The following EPHA8 variants were observed in gnomAD, a reference collection of about 807,000 sequenced individuals.
The protein encoded by EPHA8 is ephrin type-A receptor 8.
A neutral mutation model predicts 103.6 loss-of-function variants in EPHA8; 58 were observed. That is an observed-to-expected ratio of 0.56 (90% CI 0.45 to 0.70). The LOEUF (loss-of-function observed/expected upper bound fraction) is 0.70, where lower values mean the gene tolerates loss of function less well. Ranked by LOEUF, EPHA8 falls within the 30% of genes least tolerant of loss-of-function variation. The probability of loss-of-function intolerance (pLI) is 0.00; values close to 1 mark genes in which losing one functional copy is unlikely to be tolerated. For synonymous variants in EPHA8, 559 were observed against 572.5 expected, an observed-to-expected ratio of 0.98 and a Z score of 0.34; for missense variants, 1,304 against 1,395.2, an observed-to-expected ratio of 0.93 and a Z score of 1.04.
chr1:22,577,351 A>G (rs1235721437), intron 3 of EPHA8, among the ~76,000 whole-genome samples: 1 of 152,192 alleles, frequency 6.6e-6, no homozygotes, highest in African/African-American at 2.4e-5. Context: ...AGGCAAAGCA[A>G]CTTGCCCAAG....
At chr1:22,575,337 T>C (rs760515329) in intron 2 of EPHA8, among the ~76,000 whole-genome samples, 6 of 152,216 alleles carry the variant, frequency 3.9e-5, no homozygotes, top group Non-Finnish European at 8.8e-5. Context: ...CCCTAATGAT[T>C]AGTGATGCTG....
intron 4 of EPHA8, among the ~76,000 whole-genome samples, chr1:22,588,401 C>A (rs956786798): frequency 6.6e-6 from 1 of 152,222 alleles, no homozygotes; most frequent in Admixed American, 6.5e-5. Flanking sequence ...CATGGGGATA[C>A]ACGGTGGGCT....
At chr1:22,579,084 C>CGT (rs1640943284) in intron 3 of EPHA8, among the ~76,000 whole-genome samples, 1 of 100,756 alleles carries the variant, frequency 9.9e-6, no homozygotes, top group Non-Finnish European at 2.2e-5. Flanking sequence ...TGCATGTGTA[C>CGT]GTGCATGTGT....
rs768966344 is a variant in EPHA8, at chr1:22,601,424, GCTGCGGGCGGATACTCCTCT to G, written c.2858_2877del (p.Ala953GlyfsTer70). 1.2e-6 allele frequency: 2 copies of G among 1,610,964 alleles called. No homozygotes were observed. Among genetic ancestry groups the G allele is most frequent in the Non-Finnish European group, 1.7e-6 (2 of 1,179,820 alleles). ...CATGGGCCGGTACCGAGACCACTTC[GCTGCGGGCGGATACTCCTCT>G]CTGGGCATGGTGCTACGCATGAACG... On this transcript the variant is annotated frameshift_variant, in exon 16 of 17. Coordinates refer to ENST00000166244, the MANE Select transcript of EPHA8 (RefSeq NM_020526.5). LOFTEE classifies it high-confidence loss of function.
rs2148254176 is a variant in EPHA8, at chr1:22,589,499, T to A, written c.1315+293T>A. On this transcript the variant is annotated intron_variant, in intron 5 of 16. Coordinates refer to ENST00000166244, the MANE Select transcript of EPHA8 (RefSeq NM_020526.5). The surrounding 1 kb of genome is among the most constrained non-coding windows in gnomAD (Gnocchi z 4.3). The stretch of plus-strand genomic sequence containing the variant: ...CTCTGTGCCTCAGTTTCCTCCCTGG[T>A]GCAATGGGAATAATAGTACCTGCCT... 2 of 1,443,320 alleles carry A rather than the reference T, an allele frequency of 1.4e-6. No homozygotes were observed. The highest frequency in any genetic ancestry group is 3.1e-5 in the South Asian group (2 of 63,640). 89.4% of individuals were successfully genotyped at this position (1,443,320 alleles called of 1,614,324 possible). A position where few individuals can be genotyped will look rare whatever the true frequency, so the allele number is the denominator to read the frequency against.
chr1:22,585,520 T>C (rs1019094227), intron 3 of EPHA8, among the ~76,000 whole-genome samples: 27 of 152,232 alleles, frequency 1.8e-4, no homozygotes, highest in African/African-American at 4.8e-4. Flanking sequence ...CCTTGTTCTC[T>C]CCCTCCCTCC....
At chr1:22,581,801 A>G (rs1211662358) in intron 3 of EPHA8, among the ~76,000 whole-genome samples, 1 of 152,256 alleles carries the variant, frequency 6.6e-6, no homozygotes, top group Non-Finnish European at 1.5e-5. Flanking sequence ...TTTATAAAAA[A>G]TATTAATTCA....
Position 22,602,169 on chromosome 1 carries a change from T to G in EPHA8, c.*428T>G. The G allele has an allele frequency of 4.3e-6, 1 of 232,042 alleles. No homozygotes were observed. The highest frequency in any genetic ancestry group is 5.7e-5 in the Admixed American group (1 of 17,512). 14.4% of individuals were successfully genotyped at this position (232,042 alleles called of 1,614,324 possible). ...CATGGACGTGTGCATGTTATGAGCG[T>G]GTGCTTATCCGTTAAGGCTGGAGGC... On this transcript the variant is annotated 3_prime_UTR_variant, in exon 17 of 17. Transcript: ENST00000166244.
At position 22,598,950 on chromosome 1, in the gene EPHA8, G is replaced by A. The variant is rs747216998; in HGVS notation, c.2291G>A (p.Arg764His). The A allele has an allele frequency of 1.9e-5, 30 of 1,611,288 alleles. No individual in the cohort carries two copies. Among genetic ancestry groups the A allele is most frequent in the Admixed American group, 1.3e-4 (8 of 59,732 alleles). The change falls in exon 13 of 17, where the codon CGC (arginine) becomes CAC (histidine). Residue 764 changes from arginine (R) to histidine (H), a missense_variant. Arg to His is a conservative substitution (Grantham distance 29). Transcript: ENST00000166244. The surrounding 1 kb of genome is among the most constrained non-coding windows in gnomAD (Gnocchi z 5.1). The part of the protein sequence containing the change: ...LGYVHRDLAA[R>H]NVLVDSNLVC... The stretch of plus-strand genomic sequence containing the variant: ...TATGTCCACCGAGACCTGGCCGCCC[G>A]CAACGTCCTGGTTGACAGCAACCTG...
chr1:22,585,052 C>CGT (rs1553146964), intron 3 of EPHA8, among the ~76,000 whole-genome samples: 76 of 144,470 alleles, frequency 5.3e-4, no homozygotes, highest in African/African-American at 1.7e-3. Context: ...TGTGTGTGTG[C>CGT]GCACGCGTGT....
chr1:22,590,932 T>TCATG (rs1641355378), intron 5 of EPHA8, among the ~76,000 whole-genome samples: 2 of 151,970 alleles, frequency 1.3e-5, no homozygotes, highest in Non-Finnish European at 1.5e-5. Context: ...TCCTTGACTC[T>TCATG]CATGCATGTC....
chr1:22,573,077 G>T (rs1316238156), intron 2 of EPHA8, among the ~76,000 whole-genome samples: 4 of 152,192 alleles, frequency 2.6e-5, no homozygotes, highest in African/African-American at 9.6e-5. Context: ...TTTAACCCCA[G>T]ATGTGACGCT....
Position 22,603,569 on chromosome 1 carries a change from A to G in EPHA8, c.*1828A>G, listed in dbSNP as rs1006523621. The stretch of plus-strand genomic sequence containing the variant: ...ATCCTGACTCTTGAACTTACCCACA[A>G]TAAGAATAAATTCTGCCTCATCTTT... On this transcript the variant is annotated 3_prime_UTR_variant, in exon 17 of 17. Transcript: ENST00000166244. The G allele has an allele frequency of 2.6e-5, 4 of 151,920 alleles. No individual in the cohort carries two copies. The highest frequency in any genetic ancestry group is 9.7e-5 in the African/African-American group (4 of 41,182). 9.4% of individuals were successfully genotyped at this position (151,920 alleles called of 1,614,324 possible). A position where few individuals can be genotyped will look rare whatever the true frequency, so the allele number is the denominator to read the frequency against.
rs550869148 is a variant in EPHA8, at chr1:22,601,837, A to G, written c.*96A>G. 5.3e-4 allele frequency: 629 copies of G among 1,182,042 alleles called. 10 individuals are homozygous for G. The East Asian group carries it at 0.014, about 27-fold the overall frequency. The allele number at this position is 1,182,042 out of a possible 1,614,324, so 73.2% of individuals were successfully genotyped here. On this transcript the variant is annotated 3_prime_UTR_variant, in exon 17 of 17. Transcript: ENST00000166244. ...GGCTGGCAGCAGGCAGGGCGGCCCC[A>G]GGCCTCTGCCCTCCTCTCAGGTGCT...
intron 13 of EPHA8, among the ~76,000 whole-genome samples, chr1:22,599,372 A>G (rs912565724): frequency 6.6e-6 from 1 of 152,090 alleles, no homozygotes. Context: ...AAGTTTGCCT[A>G]AAACCCAGCT....
intron 4 of EPHA8, among the ~76,000 whole-genome samples, chr1:22,587,520 G>T (rs990965183): frequency 6.6e-6 from 1 of 152,164 alleles, no homozygotes; most frequent in East Asian, 1.9e-4. Context: ...GCAGGGCTGC[G>T]TGACTGTCCT....
At chr1:22,584,663 G>A (rs1032926551) in intron 3 of EPHA8, among the ~76,000 whole-genome samples, 2 of 152,154 alleles carry the variant, frequency 1.3e-5, no homozygotes, top group Non-Finnish European at 2.9e-5. Context: ...ACCACAGTGA[G>A]CTTCCCAGTG....
rs757390422 is a variant in EPHA8, at chr1:22,593,626, C to G, written c.1543C>G (p.Arg515Gly). The change falls in exon 7 of 17, where the codon CGC (arginine) becomes GGC (glycine). Residue 515 changes from arginine to glycine, a missense_variant. Transcript: ENST00000166244. ...CCGCTACGTGTTCCAGGTCCGAGCCCGCACCTCAGCAGGCTGTGGCCGCTT... is the reference window on the plus strand; with the variant it reads ...CCGCTACGTGTTCCAGGTCCGAGCCGGCACCTCAGCAGGCTGTGGCCGCTT... ...GTRYVFQVRA[R>G]TSAGCGRFSQ... is the part of the protein sequence containing the mutation. 1 of 1,608,606 alleles carries G rather than the reference C, an allele frequency of 6.2e-7. No individual in the cohort carries two copies. Among genetic ancestry groups the G allele is most frequent in the Non-Finnish European group, 8.5e-7 (1 of 1,177,994 alleles).
rs1641713845 is a variant in EPHA8, at chr1:22,601,082, T to A, written c.2723T>A (p.Val908Asp). The A allele has an allele frequency of 6.2e-7, 1 of 1,604,688 alleles. No homozygotes were observed. The highest frequency in any genetic ancestry group is 1.7e-5 in the Admixed American group (1 of 59,428). The change falls in exon 15 of 17, where the codon GTC (valine) becomes GAC (aspartate). Residue 908 changes from valine (V) to aspartate (D), a missense_variant. By Grantham distance (152) the Val-to-Asp change is radical. Transcript: ENST00000166244. ...GAGAGTCTCAGGGCCACCGCCACAG[T>A]CAGCAGGTGCCTTGTGCCCACCCCA... ...SPESLRATAT[V>D]SRCPPPAFVR...
Sources: allele counts gnomAD v4.1 joint callset (sites outside exome capture counted in the v4.1 genomes callset), GRCh38; gene constraint gnomAD v4.1.1; non-coding constraint Gnocchi (gnomAD v3.1); transcripts MANE v1.5; gene names NCBI Gene and HGNC (gene_info 2026-07-23, HGNC 2026-07-21).